The following AMD1 variants were observed in gnomAD, a reference collection of about 807,000 sequenced individuals.
The protein encoded by AMD1 is S-adenosylmethionine decarboxylase proenzyme.
Under a neutral mutation model 40.2 loss-of-function variants are expected in AMD1, and 11 were observed. The ratio of observed to expected loss-of-function variants is 0.27; its 90% confidence interval spans 0.17 to 0.45. The LOEUF (loss-of-function observed/expected upper bound fraction) is 0.45, where lower values mean the gene tolerates loss of function less well. Among genes scored for constraint, AMD1 ranks in the 20% least tolerant of loss-of-function variants. AMD1 has a pLI of 1.00. For missense variants in AMD1, 257 were observed against 410.2 expected, an observed-to-expected ratio of 0.63 and a Z score of 3.23; for synonymous variants, 121 against 130.8, an observed-to-expected ratio of 0.93 and a Z score of 0.51.
chr6:110,842,013 G>A, the AMD1 span, among the ~76,000 whole-genome samples: 1 of 152,046 alleles, frequency 6.6e-6, no homozygotes, highest in Non-Finnish European at 1.5e-5. Context: ...ATGTTGGCCA[G>A]GCTGGTCTCG....
chr6:110,893,392 A>C, intron 8 of AMD1, 84 bp from the exon 9 acceptor site: 1 of 1,548,862 alleles, frequency 6.5e-7, no homozygotes, highest in Non-Finnish European at 8.8e-7. Context: ...TTTCATTAAG[A>C]TAAAAGTCTG....
chr6:110,873,365 GACAA>G (rs1784954904), upstream of AMD1, among the ~76,000 whole-genome samples: 3 of 152,286 alleles, frequency 2.0e-5, no homozygotes, highest in African/African-American at 7.2e-5. Context: ...CTCCGTCTCA[GACAA>G]ACAAAACAAA....
chr6:110,892,114 A>AT, intron 4 of AMD1, 47 bp from the exon 5 acceptor site: 1 of 1,595,642 alleles, frequency 6.3e-7, no homozygotes, highest in African/African-American at 1.3e-5. Flanking sequence ...AAACCATCCT[A>AT]TTAAATGGAT....
At chr6:110,850,247 A>G in the AMD1 span, among the ~76,000 whole-genome samples, 4 of 152,196 alleles carry the variant, frequency 2.6e-5, no homozygotes, top group Admixed American at 6.5e-5. Flanking sequence ...GAATTAAAAC[A>G]TAACATACAA....
At chr6:110,893,350 A>C in intron 8 of AMD1, 126 bp from the exon 9 acceptor site, 1 of 1,334,394 alleles carries the variant, frequency 7.5e-7, no homozygotes, top group African/African-American at 1.5e-5. Context: ...CCAGCACATA[A>C]GAAGGCAGCT....
chr6:110,847,380 C>T, the AMD1 span, among the ~76,000 whole-genome samples: 1 of 151,818 alleles, frequency 6.6e-6, no homozygotes, highest in South Asian at 2.1e-4. Flanking sequence ...AAAAAATTAG[C>T]CGGGCATGGT....
At chr6:110,849,899 G>A in the AMD1 span, among the ~76,000 whole-genome samples, 6 of 151,878 alleles carry the variant, frequency 4.0e-5, no homozygotes, top group Non-Finnish European at 7.4e-5. Context: ...TGCACCTGTA[G>A]TCCCAGCTAC....
intron 1 of AMD1, among the ~76,000 whole-genome samples, chr6:110,883,013 A>G (rs1370216203): frequency 6.6e-6 from 1 of 152,128 alleles, no homozygotes; most frequent in African/African-American, 2.4e-5. Flanking sequence ...GGTCCCAGCT[A>G]CTTGGGAGGC....
At chr6:110,850,843 A>G in the AMD1 span, among the ~76,000 whole-genome samples, 1 of 152,206 alleles carries the variant, frequency 6.6e-6, no homozygotes, top group Non-Finnish European at 1.5e-5. Context: ...CTTGGAAAGA[A>G]GGCATCTTGG....
At chr6:110,826,502 A>G in the AMD1 span, among the ~76,000 whole-genome samples, 28 of 151,984 alleles carry the variant, frequency 1.8e-4, no homozygotes, top group South Asian at 5.6e-3. Flanking sequence ...TGAAATCAAG[A>G]TGTCTGGAGG....
chr6:110,881,106 GTTA>G (rs1428643765), intron 1 of AMD1, among the ~76,000 whole-genome samples: 1 of 152,106 alleles, frequency 6.6e-6, no homozygotes, highest in Non-Finnish European at 1.5e-5. Flanking sequence ...TTTGTGTGCT[GTTA>G]TTAATATAGA....
rs1432039248 is a variant in AMD1, at chr6:110,892,839, T to C, written c.708+12T>C. The C allele has an allele frequency of 3.1e-6, 5 of 1,613,604 alleles. No homozygotes were observed. The African/African-American group carries it at 4.0e-5, about 13-fold the overall frequency. On this transcript the variant is annotated intron_variant, in intron 7 of 8. Transcript: ENST00000368885. ...GAATGAAATCGGATGTGAGTAGTTA[T>C]ATATTGCTTCAATAATTATTTAAAT...
chr6:110,840,290 T>A, the AMD1 span, among the ~76,000 whole-genome samples: 1 of 152,230 alleles, frequency 6.6e-6, no homozygotes, highest in Admixed American at 6.5e-5. Flanking sequence ...ATTCCGACAC[T>A]GTCTACCTGG....
chr6:110,823,897 T>C, the AMD1 span, among the ~76,000 whole-genome samples: 1 of 152,192 alleles, frequency 6.6e-6, no homozygotes, highest in African/African-American at 2.4e-5. Context: ...ATACATCTCA[T>C]GCTCACAGAT....
At chr6:110,833,355 G>T in the AMD1 span, among the ~76,000 whole-genome samples, 1 of 152,140 alleles carries the variant, frequency 6.6e-6, no homozygotes, top group Non-Finnish European at 1.5e-5. Context: ...TAGTTTTGAT[G>T]ATGCAAATAC....
chr6:110,865,716 C>T, the AMD1 span, among the ~76,000 whole-genome samples: 984 of 151,662 alleles, frequency 6.5e-3, 5 homozygotes, highest in African/African-American at 0.023. Context: ...TAGTTTAATT[C>T]TATTAAAATG....
the AMD1 span, among the ~76,000 whole-genome samples, chr6:110,827,593 C>G: frequency 6.6e-6 from 1 of 151,924 alleles, no homozygotes; most frequent in African/African-American, 2.4e-5. Flanking sequence ...GGTGAAACCC[C>G]GTCTCTACTA....
chr6:110,838,310 A>T, the AMD1 span, among the ~76,000 whole-genome samples: 2,311 of 151,308 alleles, frequency 0.015, 29 homozygotes, highest in Non-Finnish European at 0.024. Context: ...AATCGCTTGA[A>T]CCCAGGAGGT....
chr6:110,871,179 T>A (rs1333452667), upstream of AMD1, among the ~76,000 whole-genome samples: 1 of 152,176 alleles, frequency 6.6e-6, no homozygotes, highest in Non-Finnish European at 1.5e-5. Context: ...AAATTTTGAT[T>A]TCAATTGTAA....
Sources: allele counts gnomAD v4.1 joint callset (sites outside exome capture counted in the v4.1 genomes callset), GRCh38; gene constraint gnomAD v4.1.1; transcripts MANE v1.5; gene names NCBI Gene and HGNC (gene_info 2026-07-23, HGNC 2026-07-21).